The following PACS1 variants were observed in gnomAD, a reference collection of about 807,000 sequenced individuals.
The protein encoded by PACS1 is PACS-1.
PACS1 carries 24 observed loss-of-function variants against 115.0 expected under a neutral mutation model. That is an observed-to-expected ratio of 0.21 (90% CI 0.15 to 0.29). PACS1 has a LOEUF of 0.29. Ranked by LOEUF, PACS1 falls within the 10% of genes least tolerant of loss-of-function variation. The pLI is 1.00. For synonymous variants in PACS1, 453 were observed against 504.5 expected, an observed-to-expected ratio of 0.90 and a Z score of 1.37; for missense variants, 838 against 1,251.2, an observed-to-expected ratio of 0.67 and a Z score of 4.98.
chr11:66,126,989 C>T (rs1858591410), intron 1 of PACS1, among the ~76,000 whole-genome samples: 1 of 152,116 alleles, frequency 6.6e-6, no homozygotes, highest in Non-Finnish European at 1.5e-5. Flanking sequence ...TCCCTGCATG[C>T]CACGTCTTTG....
chr11:66,104,169 A>G (rs1371190850), intron 1 of PACS1, among the ~76,000 whole-genome samples: 2 of 152,192 alleles, frequency 1.3e-5, no homozygotes, highest in Admixed American at 6.6e-5. Context: ...GAGGAAGGGA[A>G]TTCAGATAGA....
intron 2 of PACS1, among the ~76,000 whole-genome samples, chr11:66,196,275 T>G (rs1331777048): frequency 1.3e-5 from 2 of 152,252 alleles, no homozygotes; most frequent in Non-Finnish European, 2.9e-5. Flanking sequence ...AAGAAAGCAG[T>G]AAAACGTGTT....
Position 66,232,282 on chromosome 11 carries a change from T to C in PACS1, c.1731+6T>C. On this transcript the variant is annotated splice_donor_region_variant and intron_variant, in intron 14 of 23. Transcript: ENST00000320580. ...CCACTGACTGGCAGGGCCAGGTAAG[T>C]GCTGAAACTGCGAGGCCATGTGGGG... is the stretch of plus-strand genomic sequence containing the variant. 1 of 1,558,876 alleles carries C rather than the reference T, an allele frequency of 6.4e-7. No homozygotes were observed. Among genetic ancestry groups the C allele is most frequent in the Non-Finnish European group, 8.9e-7 (1 of 1,129,880 alleles).
chr11:66,109,426 C>T (rs559294380), intron 1 of PACS1, among the ~76,000 whole-genome samples: 8 of 152,210 alleles, frequency 5.3e-5, no homozygotes, highest in South Asian at 2.1e-4. Flanking sequence ...AAGAGAAGGT[C>T]GCATATGGTC....
chr11:66,170,493 ACTT>A (rs1859710476), intron 1 of PACS1, among the ~76,000 whole-genome samples: 1 of 150,394 alleles, frequency 6.6e-6, no homozygotes, highest in Non-Finnish European at 1.5e-5. Flanking sequence ...TTATATTATA[ACTT>A]CTTCTTTGAC....
chr11:66,214,604 T>C (rs1855154891), intron 4 of PACS1, among the ~76,000 whole-genome samples: 1 of 127,264 alleles, frequency 7.9e-6, no homozygotes, highest in South Asian at 2.7e-4. Flanking sequence ...CTTTCTTCCT[T>C]TCTTCTTTTT....
At chr11:66,073,936 T>A (rs1465764223) in intron 1 of PACS1, among the ~76,000 whole-genome samples, 2 of 149,898 alleles carry the variant, frequency 1.3e-5, no homozygotes, top group East Asian at 3.9e-4. Context: ...TTTTTTTTTT[T>A]TTTTTTTAAA....
intron 4 of PACS1, among the ~76,000 whole-genome samples, chr11:66,211,941 T>A (rs551997772): frequency 6.6e-5 from 10 of 152,226 alleles, no homozygotes; most frequent in African/African-American, 2.2e-4. Context: ...TGACATTTTT[T>A]AAGCGCACAG....
intron 1 of PACS1, among the ~76,000 whole-genome samples, chr11:66,178,782 A>G (rs1425520604): frequency 2.0e-5 from 3 of 152,194 alleles, no homozygotes; most frequent in South Asian, 2.1e-4. Context: ...TCTGCATTCA[A>G]TCTGTTACAG....
At chr11:66,231,995 T>A (rs1855606003) in intron 13 of PACS1, 177 bp from the exon 14 acceptor site, 1 of 572,350 alleles carries the variant, frequency 1.7e-6, no homozygotes, top group Non-Finnish European at 3.1e-6. Flanking sequence ...GCTGCTTCTT[T>A]CTCCTCCTTT....
intron 1 of PACS1, among the ~76,000 whole-genome samples, chr11:66,129,045 C>T (rs148759176): frequency 0.014 from 2,185 of 152,026 alleles, 19 homozygotes; most frequent in Non-Finnish European, 0.022. Flanking sequence ...TTCATGGGTA[C>T]GTACATTTAA....
intron 4 of PACS1, among the ~76,000 whole-genome samples, chr11:66,215,065 TG>T (rs1855168949): frequency 6.6e-6 from 1 of 152,064 alleles, no homozygotes; most frequent in South Asian, 2.1e-4. Flanking sequence ...CCTGAGTAGC[TG>T]GGACTACAGG....
At chr11:66,178,965 AG>A (rs1859939922) in intron 1 of PACS1, among the ~76,000 whole-genome samples, 1 of 152,202 alleles carries the variant, frequency 6.6e-6, no homozygotes, top group African/African-American at 2.4e-5. Flanking sequence ...CCACTGCCCC[AG>A]GGTGTGTCCA....
At chr11:66,199,695 T>G (rs1318785559) in intron 2 of PACS1, among the ~76,000 whole-genome samples, 1 of 152,072 alleles carries the variant, frequency 6.6e-6, no homozygotes, top group African/African-American at 2.4e-5. Context: ...AATTCTGCAA[T>G]CAAAAGACGT....
At chr11:66,110,024 C>A (rs1481245955) in intron 1 of PACS1, among the ~76,000 whole-genome samples, 2 of 152,110 alleles carry the variant, frequency 1.3e-5, no homozygotes, top group Admixed American at 6.5e-5. Context: ...TTTCTTTTTC[C>A]CCTCTCAACG....
Position 66,205,351 on chromosome 11 carries a change from A to G in PACS1, c.445-5011A>G, listed in dbSNP as rs550430731. On this transcript the variant is annotated intron_variant, in intron 2 of 23. Transcript: ENST00000320580. ...AAGATCTGATATTTGATAGTGCAAC[A>G]GGACGATTACAGTCAATGATAATTT... Among the ~76,000 whole-genome samples, 3 of 151,796 alleles carry G rather than the reference A, an allele frequency of 2.0e-5. No homozygotes were observed. The South Asian group carries it at 6.2e-4, about 31-fold the overall frequency.
At chr11:66,214,427 A>AC (rs1855149781) in intron 4 of PACS1, among the ~76,000 whole-genome samples, 1 of 152,026 alleles carries the variant, frequency 6.6e-6, no homozygotes, top group African/African-American at 2.4e-5. Flanking sequence ...ACTCAAGAGC[A>AC]AGTTTCTCTG....
chr11:66,118,899 T>A lies in PACS1; in HGVS notation c.356+48057T>A, dbSNP rs555286318. Among the ~76,000 whole-genome samples the A allele has an allele frequency of 2.1e-4, 32 of 151,886 alleles. No homozygotes were observed. The South Asian group carries it at 6.6e-3, about 32-fold the overall frequency. On this transcript the variant is annotated intron_variant, in intron 1 of 23. Transcript: ENST00000320580. Reference sequence around the variant, plus strand: ...CTGTGTCAGCTAGGAATACAGAAACTAAAAAACATTGCTTGCCCTTGTGAC... The same window carrying A: ...CTGTGTCAGCTAGGAATACAGAAACAAAAAAACATTGCTTGCCCTTGTGAC...
intron 1 of PACS1, among the ~76,000 whole-genome samples, chr11:66,093,053 A>G (rs1376292619): frequency 1.1e-4 from 16 of 152,084 alleles, no homozygotes; most frequent in Non-Finnish European, 2.9e-5. Flanking sequence ...TTCTGTGAAG[A>G]AAGTCATTGG....
Sources: allele counts gnomAD v4.1 joint callset (sites outside exome capture counted in the v4.1 genomes callset), GRCh38; gene constraint gnomAD v4.1.1; transcripts MANE v1.5; gene names NCBI Gene and HGNC (gene_info 2026-07-23, HGNC 2026-07-21).